The following SIM1 variants were observed in gnomAD, a reference collection of about 807,000 sequenced individuals.
The protein encoded by SIM1 is SIM bHLH transcription factor 1.
SIM1 carries 18 observed loss-of-function variants against 78.2 expected under a neutral mutation model. The observed-to-expected ratio is 0.23, with a 90% confidence interval of 0.16 to 0.34. SIM1 has a LOEUF of 0.34. SIM1 is among the 10% of genes least tolerant of loss of function. The pLI, the probability that SIM1 is intolerant of heterozygous loss-of-function variation, is 1.00. For synonymous variants in SIM1, 417 were observed against 385.2 expected, an observed-to-expected ratio of 1.08 and a Z score of -0.97; for missense variants, 939 against 975.1, an observed-to-expected ratio of 0.96 and a Z score of 0.49.
Position 100,389,703 on chromosome 6 carries a change from G to A in SIM1, c.*658C>T, listed in dbSNP as rs1770588209. On this transcript the variant is annotated 3_prime_UTR_variant, in exon 12 of 12. Transcript: ENST00000369208. Reference sequence around the variant, plus strand: ...TGGTCCTTGTCTAACTGAAAAGCAAGGTGAAAAATTACCTCTTCCTGATTG... The same window carrying A: ...TGGTCCTTGTCTAACTGAAAAGCAAAGTGAAAAATTACCTCTTCCTGATTG... 5.0e-6 allele frequency: 2 copies of A among 398,968 alleles called. No homozygotes were observed. The highest frequency in any genetic ancestry group is 1.3e-4 in the South Asian group (1 of 7,858). The allele number at this position is 398,968 out of a possible 1,614,324, so 24.7% of individuals were successfully genotyped here. A position where few individuals can be genotyped will look rare whatever the true frequency, so the allele number is the denominator to read the frequency against.
At chr6:100,454,763 T>C (rs1041468898) in intron 2 of SIM1, among the ~76,000 whole-genome samples, 3 of 152,188 alleles carry the variant, frequency 2.0e-5, no homozygotes, top group Non-Finnish European at 2.9e-5. Flanking sequence ...CTCCGGACTC[T>C]TGTGGCCGAG....
intron 11 of SIM1, among the ~76,000 whole-genome samples, chr6:100,391,379 G>T (rs1770636162): frequency 6.6e-6 from 1 of 152,096 alleles, no homozygotes; most frequent in Non-Finnish European, 1.5e-5. Context: ...TTAGCAAAAT[G>T]GTAAAGTGTG....
rs1380088989 is a variant in SIM1, at chr6:100,398,610, T to C, written c.1168-4721A>G. ...CCATGTTTAAACAGATGTCAAAATT[T>C]CCATCCTTTTTAAAACTGGAGAGTA... On this transcript the variant is annotated intron_variant, in intron 10 of 11. Transcript: ENST00000369208. 2.6e-5 allele frequency among the ~76,000 whole-genome samples: 4 copies of C among 152,138 alleles called. No homozygotes were observed. In the East Asian group the frequency reaches 7.7e-4, roughly 29 times the overall value.
At chr6:100,451,494 C>A (rs1276636576) in intron 3 of SIM1, among the ~76,000 whole-genome samples, 1 of 152,156 alleles carries the variant, frequency 6.6e-6, no homozygotes, top group Non-Finnish European at 1.5e-5. Flanking sequence ...TAACAGGTTT[C>A]TAAGCAGGAG....
intron 10 of SIM1, among the ~76,000 whole-genome samples, chr6:100,407,400 T>C (rs1771077481): frequency 6.6e-6 from 1 of 152,184 alleles, no homozygotes; most frequent in Admixed American, 6.5e-5. Context: ...TCATTTTGAA[T>C]AACACTGCAA....
At chr6:100,441,535 CTT>C (rs1193685813) in intron 9 of SIM1, among the ~76,000 whole-genome samples, 1 of 152,230 alleles carries the variant, frequency 6.6e-6, no homozygotes, top group African/African-American at 2.4e-5. Context: ...TCGGTTAACT[CTT>C]TTGTTTAGCA....
At position 100,450,295 on chromosome 6, in the gene SIM1, G is replaced by GTC; in HGVS notation, c.318_319dup (p.Thr107ArgfsTer12). On this transcript the variant is annotated frameshift_variant, in exon 4 of 12. Coordinates refer to ENST00000369208, the MANE Select transcript of SIM1 (RefSeq NM_005068.3). LOFTEE classifies it high-confidence loss of function. ...AGAAAGACCCAAGTGGACTGAGGCT[G>GTC]TCTCTGAGATGTACATGATCTTCCC... 6.2e-7 allele frequency: 1 copy of GTC among 1,614,122 alleles called. No individual in the cohort carries two copies. Among genetic ancestry groups the GTC allele is most frequent in the Non-Finnish European group, 8.5e-7 (1 of 1,180,006 alleles).
At chr6:100,408,705 A>G (rs1221860539) in intron 10 of SIM1, among the ~76,000 whole-genome samples, 2 of 152,144 alleles carry the variant, frequency 1.3e-5, no homozygotes, top group Admixed American at 1.3e-4. Context: ...TTAATGTGGT[A>G]TATAACATTT....
intron 2 of SIM1, among the ~76,000 whole-genome samples, chr6:100,461,847 T>C (rs1432615730): frequency 2.9e-4 from 43 of 148,946 alleles, no homozygotes; most frequent in Middle Eastern, 3.4e-3. Flanking sequence ...CTTTCTTTTT[T>C]TTTTTTTTTT....
Position 100,389,424 on chromosome 6 carries a change from G to C in SIM1, c.*937C>G, listed in dbSNP as rs41318037. The C allele has an allele frequency of 2.5e-6, 1 of 392,608 alleles. No homozygotes were observed. Among genetic ancestry groups the C allele is most frequent in the Non-Finnish European group, 4.5e-6 (1 of 222,634 alleles). 24.3% of individuals were successfully genotyped at this position (392,608 alleles called of 1,614,324 possible). A position where few individuals can be genotyped will look rare whatever the true frequency, so the allele number is the denominator to read the frequency against. On this transcript the variant is annotated 3_prime_UTR_variant, in exon 12 of 12. Transcript: ENST00000369208. ...TTTTCCTTTTATTTTTGCACCTATT[G>C]GTCTTTTTTCTGGGTGAATTGGTTT...
chr6:100,413,483 C>T (rs1771316358), intron 10 of SIM1, among the ~76,000 whole-genome samples: 1 of 152,040 alleles, frequency 6.6e-6, no homozygotes, highest in Non-Finnish European at 1.5e-5. Context: ...ATTTTTTCTT[C>T]TTATTGTTCT....
At chr6:100,436,026 C>A (rs1772039889) in intron 9 of SIM1, among the ~76,000 whole-genome samples, 1 of 151,920 alleles carries the variant, frequency 6.6e-6, no homozygotes, top group South Asian at 2.1e-4. Context: ...ACACACACCC[C>A]TCCCAAGGTG....
At chr6:100,420,002 A>T (rs1771525794) in intron 10 of SIM1, among the ~76,000 whole-genome samples, 5 of 152,038 alleles carry the variant, frequency 3.3e-5, no homozygotes, top group Admixed American at 3.3e-4. Context: ...GAACTGCAGG[A>T]GGTATGAGAT....
intron 10 of SIM1, among the ~76,000 whole-genome samples, chr6:100,394,212 A>G (rs1770716511): frequency 6.6e-6 from 1 of 152,078 alleles, no homozygotes. Context: ...CCTGCAGTAA[A>G]CCCTTAATGG....
chr6:100,420,666 ATTTATAGAAGTTTTAG>A, intron 10 of SIM1, 108 bp downstream of exon 10: 1 of 904,244 alleles, frequency 1.1e-6, no homozygotes, highest in Non-Finnish European at 1.7e-6. Context: ...AACCTTCCAG[ATTTATAGAAGTTTTAG>A]TTATTAAAAC....
At position 100,387,593 on chromosome 6, in the gene SIM1, G is replaced by T. The variant is rs889330198; in HGVS notation, c.*2768C>A. On this transcript the variant is annotated 3_prime_UTR_variant, in exon 12 of 12. Coordinates refer to ENST00000369208, the MANE Select transcript of SIM1 (RefSeq NM_005068.3). The stretch of plus-strand genomic sequence containing the variant: ...ACATTTTATGTAATGTAATAAAACT[G>T]CTACTATAAAATTATTGACATTCAG... 2.0e-5 allele frequency: 3 copies of T among 151,912 alleles called. No homozygotes were observed. Among genetic ancestry groups the T allele is most frequent in the Non-Finnish European group, 4.4e-5 (3 of 67,920 alleles). 9.4% of individuals were successfully genotyped at this position (151,912 alleles called of 1,614,324 possible). A position where few individuals can be genotyped will look rare whatever the true frequency, so the allele number is the denominator to read the frequency against.
At position 100,448,626 on chromosome 6, in the gene SIM1, G is replaced by A. The variant is rs781416633; in HGVS notation, c.596C>T (p.Ser199Phe). 11 of 1,613,868 alleles carry A rather than the reference G, an allele frequency of 6.8e-6. No individual in the cohort carries two copies. Among genetic ancestry groups the A allele is most frequent in the Non-Finnish European group, 9.3e-6 (11 of 1,180,028 alleles). The change falls in exon 7 of 12, where the codon TCC (serine) becomes TTC (phenylalanine). Residue 199 changes from serine to phenylalanine, a missense_variant. Ser to Phe is a radical substitution (Grantham distance 155). Transcript: ENST00000369208. ...LKIRQYSLDM[S>F]PFDGCYQNVG... is the part of the protein sequence containing the mutation. ...GTTTTGGTAGCAGCCGTCGAAGGGG[G>A]ACATGTCCAGGCTGTACTGGCGGAT...
rs770101681 is a variant in SIM1 at position 100,450,317 on chromosome 6, T to A, written c.298A>T (p.Lys100Ter). ...GFIFVVAPDGKIMYISETASV... is the reference protein window; with the variant it reads ...GFIFVVAPDG ...GCTGTCTCTGAGATGTACATGATCTTCCCATCTGGGGCTACCACGAAGATG... is the reference window on the plus strand; with the variant it reads ...GCTGTCTCTGAGATGTACATGATCTACCCATCTGGGGCTACCACGAAGATG... The change falls in exon 4 of 12, where the codon AAG becomes TAG. Residue 100 changes from lysine to a stop codon, truncating the protein, a stop_gained. Coordinates refer to ENST00000369208, the MANE Select transcript of SIM1 (RefSeq NM_005068.3). LOFTEE classifies it high-confidence loss of function. 6.2e-7 allele frequency: 1 copy of A among 1,614,094 alleles called. No individual in the cohort carries two copies.
At chr6:100,412,052 G>A (rs944401494) in intron 10 of SIM1, among the ~76,000 whole-genome samples, 1 of 152,110 alleles carries the variant, frequency 6.6e-6, no homozygotes, top group Non-Finnish European at 1.5e-5. Context: ...AACAGCTAGG[G>A]CAGTGGTGGG....
Sources: gnomAD v4.1 joint callset for allele counts (sites outside exome capture counted in the v4.1 genomes callset) on GRCh38, gnomAD v4.1.1 for gene constraint, MANE v1.5 for transcripts, NCBI Gene and HGNC (gene_info 2026-07-23, HGNC 2026-07-21) for gene names.